The following PC variants were observed in gnomAD, a reference collection of about 807,000 sequenced individuals.
The protein encoded by PC is pyruvate carboxylase, mitochondrial.
In PC, 46 loss-of-function variants were observed where a neutral mutation model predicts 107.8. The ratio of observed to expected loss-of-function variants is 0.43; its 90% confidence interval spans 0.34 to 0.55. The LOEUF (loss-of-function observed/expected upper bound fraction) is 0.55, where lower values mean the gene tolerates loss of function less well. Among genes scored for constraint, PC ranks in the 20% least tolerant of loss-of-function variants. The pLI is 0.04. For missense variants in PC, 1,241 were observed against 1,643.1 expected (o/e 0.76, Z 4.23); for synonymous variants, 662 against 684.7 (o/e 0.97, Z 0.52).
intron 3 of PC, among the ~76,000 whole-genome samples, chr11:66,939,633 C>T (rs1031191986): frequency 1.3e-5 from 2 of 151,790 alleles, no homozygotes; most frequent in African/African-American, 2.4e-5. Flanking sequence ...GGAGAAACCC[C>T]GTCTCTACTA....
chr11:66,939,804 C>CAAAAAAAAAAAAAAAAAAAAAACAAAAA (rs1949081756), intron 3 of PC, among the ~76,000 whole-genome samples: 2 of 40,160 alleles, frequency 5.0e-5, no homozygotes, highest in Non-Finnish European at 8.3e-5. Context: ...AACTCCGTCT[C>CAAAAAAAAAAAAAAAAAAAAAACAAAAA]AAAAAAAAAA....
At position 66,921,075 on chromosome 11, in the gene PC, G is replaced by A. The variant is rs1002876859; in HGVS notation, c.-1+31355C>T. 2.6e-5 allele frequency among the ~76,000 whole-genome samples: 4 copies of A among 151,466 alleles called. No individual in the cohort carries two copies. The South Asian group carries it at 6.2e-4, about 24-fold the overall frequency. ...TACAGGCATGAGGCAAGGGCAACGT[G>A]GCTGAGGACGAAATGCCTTACTTGG... is the stretch of plus-strand genomic sequence containing the variant. On this transcript the variant is annotated intron_variant, in intron 3 of 22. Transcript: ENST00000393960.
rs780406531 is a variant in PC, at chr11:66,870,401, C to A, written c.804G>T (p.Gln268His). Residue 268 changes from glutamine to histidine, a missense_variant, in exon 9 of 23, where the codon CAG becomes CAT. Physicochemically the swap from Gln to His is conservative, Grantham distance 24. Transcript: ENST00000393960. The surrounding 1 kb of genome is among the most constrained non-coding windows in gnomAD (Gnocchi z 6.1). Reference protein sequence around the residue: ...LHLYERDCSIQRRHQKVVEIA... With the variant: ...LHLYERDCSIHRRHQKVVEIA... The stretch of plus-strand genomic sequence containing the variant: ...TCTCGACCACCTTCTGGTGCCGCCG[C>A]TGGATGGAGCAGTCTCGCTCGTACA... The A allele has an allele frequency of 6.2e-7, 1 of 1,613,770 alleles. No homozygotes were observed. Among genetic ancestry groups the A allele is most frequent in the South Asian group, 1.1e-5 (1 of 91,088 alleles).
At chr11:66,851,692 G>A in intron 16 of PC, 98 bp downstream of exon 16, 1 of 1,265,146 alleles carries the variant, frequency 7.9e-7, no homozygotes, top group Middle Eastern at 1.8e-4. Flanking sequence ...GAGAGACTTG[G>A]TGTCAGGCTG....
chr11:66,876,195 C>T (rs141312161), intron 3 of PC, among the ~76,000 whole-genome samples: 59 of 152,256 alleles, frequency 3.9e-4, no homozygotes, highest in Middle Eastern at 3.4e-3. Flanking sequence ...AAGAGGATTG[C>T]GTTGATATCA....
chr11:66,940,688 AAAAT>A (rs942184822), intron 3 of PC, among the ~76,000 whole-genome samples: 2 of 148,194 alleles, frequency 1.3e-5, no homozygotes, highest in Non-Finnish European at 1.5e-5. Flanking sequence ...ACCCTGTCTC[AAAAT>A]AAATAAATAA....
At chr11:66,867,510 T>C (rs1022894110) in intron 10 of PC, among the ~76,000 whole-genome samples, 10 of 152,234 alleles carry the variant, frequency 6.6e-5, no homozygotes, top group Non-Finnish European at 1.3e-4. Flanking sequence ...GCAGCAGAGA[T>C]GACAGCTTCC....
At chr11:66,945,938 T>C (rs1429783950) in intron 3 of PC, among the ~76,000 whole-genome samples, 20 of 149,404 alleles carry the variant, frequency 1.3e-4, no homozygotes, top group Admixed American at 6.6e-5. Context: ...TACAAAAAAT[T>C]AGCAGGGCGC....
At position 66,849,945 on chromosome 11, in the gene PC, G is replaced by A. The variant is rs192822072; in HGVS notation, c.2890C>T (p.Arg964Cys). 70 of 1,613,540 alleles carry A rather than the reference G, an allele frequency of 4.3e-5. No homozygotes were observed. Among genetic ancestry groups the A allele is most frequent in the Non-Finnish European group, 5.1e-5 (60 of 1,180,014 alleles). ...TGCTGGGCCTTCCCTACCTTAGAGC[G>A]AAAGGGTTCGGGGAACCCCCCATGG... ...VPHGGFPEPF[R>C]SKVLKDLPRV... Residue 964 changes from arginine (R) to cysteine (C), a missense_variant, in exon 20 of 23, where the codon CGC (arginine) becomes TGC (cysteine). Transcript: ENST00000393960.
intron 13 of PC, 68 bp downstream of exon 13, chr11:66,853,171 G>A (rs958112973): frequency 8.9e-6 from 14 of 1,572,312 alleles, no homozygotes; most frequent in African/African-American, 2.7e-5. Flanking sequence ...GAGTGGCAAG[G>A]AGGTAGGAGC....
At chr11:66,911,303 G>C (rs953693755) in intron 3 of PC, among the ~76,000 whole-genome samples, 2 of 152,028 alleles carry the variant, frequency 1.3e-5, no homozygotes, top group African/African-American at 4.8e-5. Context: ...CCCTATCTCT[G>C]CTACTGTTAC....
chr11:66,855,169 G>C (rs1945729336), intron 12 of PC, among the ~76,000 whole-genome samples: 1 of 152,200 alleles, frequency 6.6e-6, no homozygotes, highest in Non-Finnish European at 1.5e-5. Context: ...TCCCCACTGA[G>C]TCTCCCCTTT....
chr11:66,919,736 T>C (rs911961424), intron 3 of PC: 2 of 152,214 alleles, frequency 1.3e-5, no homozygotes, highest in Non-Finnish European at 2.9e-5. Flanking sequence ...CCTCTTTGCA[T>C]GAAGTCAGAA....
chr11:66,891,044 G>C (rs991904794), intron 3 of PC, among the ~76,000 whole-genome samples: 6 of 151,958 alleles, frequency 3.9e-5, no homozygotes, highest in African/African-American at 9.7e-5. Flanking sequence ...TCAGACAATA[G>C]GCATGGGGTT....
rs866715653 is a variant in PC, at chr11:66,866,324, G to A, written c.1048C>T (p.His350Tyr). ...GGTAGGCTCCTGCCCTCAGCCACGTGGATCTGAGCATGGACCAGGTCTACG... is the reference window on the plus strand; with the variant it reads ...GGTAGGCTCCTGCCCTCAGCCACGTAGATCTGAGCATGGACCAGGTCTACG... Reference protein sequence around the residue: ...TDVDLVHAQIHVAEGRSLPDL... With the variant: ...TDVDLVHAQIYVAEGRSLPDL... The change falls in exon 11 of 23, where the codon CAC (histidine) becomes TAC (tyrosine). Residue 350 changes from histidine (H) to tyrosine (Y), a missense_variant. By Grantham distance (83) the His-to-Tyr change is moderately conservative (BLOSUM62 2). Around this residue, in one of 2 missense-constraint regions of PC, gnomAD observed 1,143 missense variants for 1,551.9 expected, o/e 0.74. Coordinates refer to ENST00000393960, the MANE Select transcript of PC (RefSeq NM_001040716.2). The surrounding 1 kb of genome is among the most constrained non-coding windows in gnomAD (Gnocchi z 5.4). 1 of 1,613,066 alleles carries A rather than the reference G, an allele frequency of 6.2e-7. No homozygotes were observed. The highest frequency in any genetic ancestry group is 1.3e-5 in the African/African-American group (1 of 74,938).
chr11:66,899,895 G>A (rs1947887389), intron 3 of PC, among the ~76,000 whole-genome samples: 1 of 152,088 alleles, frequency 6.6e-6, no homozygotes, highest in Admixed American at 6.6e-5. Context: ...TAGGTCTTTG[G>A]TCCATTTTGA....
chr11:66,889,527 C>A (rs1014376586), intron 3 of PC, among the ~76,000 whole-genome samples: 1 of 152,024 alleles, frequency 6.6e-6, no homozygotes, highest in African/African-American at 2.4e-5. Context: ...CCCGCCACCA[C>A]GCCCAGCTAA....
chr11:66,873,206 G>A (rs1162128808), intron 3 of PC, among the ~76,000 whole-genome samples: 1 of 148,366 alleles, frequency 6.7e-6, no homozygotes, highest in Non-Finnish European at 1.5e-5. Context: ...CAGGCATGGT[G>A]GCACATGCCT....
chr11:66,882,777 C>T lies in PC; in HGVS notation c.1-10618G>A, dbSNP rs7120256. The stretch of plus-strand genomic sequence containing the variant: ...GACGGATGGGGCCGCTCTCCCCAGG[C>T]GGCTCTGCTCTAAACATGTCCGACG... On this transcript the variant is annotated intron_variant, in intron 3 of 22. Coordinates refer to ENST00000393960, the MANE Select transcript of PC (RefSeq NM_001040716.2). 7.8e-4 allele frequency among the ~76,000 whole-genome samples: 119 copies of T among 151,922 alleles called. 2 individuals are homozygous for T. Among genetic ancestry groups the T allele is most frequent in the East Asian group, 6.0e-3 (31 of 5,124 alleles).
Sources: allele counts gnomAD v4.1 joint callset (sites outside exome capture counted in the v4.1 genomes callset), GRCh38; gene constraint gnomAD v4.1.1; regional missense constraint gnomAD v4.1.1; non-coding constraint Gnocchi (gnomAD v3.1); transcripts MANE v1.5; gene names NCBI Gene and HGNC (gene_info 2026-07-23, HGNC 2026-07-21).